The following TRPC7 variants were observed in gnomAD, a reference collection of about 807,000 sequenced individuals.
TRPC7 encodes transient receptor potential cation channel subfamily C member 7.
A neutral mutation model predicts 90.1 loss-of-function variants in TRPC7; 42 were observed. The ratio of observed to expected loss-of-function variants is 0.47; its 90% CI spans 0.36 to 0.60. The LOEUF (loss-of-function observed/expected upper bound fraction) is 0.60. Among genes scored for constraint, TRPC7 ranks in the 20% least tolerant of loss-of-function variants. The pLI, the probability that TRPC7 is intolerant of heterozygous loss-of-function variation, is 0.00. For missense variants in TRPC7, 955 were observed against 1,112.3 expected (o/e 0.86, Z 2.01); for synonymous variants, 451 against 436.3 (o/e 1.03, Z -0.42).
At chr5:136,356,434 T>C (rs892571799) in intron 2 of TRPC7, among the ~76,000 whole-genome samples, 174 bp downstream of exon 2, 5 of 152,202 alleles carry the variant, frequency 3.3e-5, no homozygotes, top group African/African-American at 1.2e-4. Context: ...GGGCTGCTTT[T>C]CCTCAGGCCT....
intron 1 of TRPC7, among the ~76,000 whole-genome samples, chr5:136,362,111 A>G (rs942380906): frequency 6.6e-6 from 1 of 152,198 alleles, no homozygotes; most frequent in African/African-American, 2.4e-5. Flanking sequence ...AAATGACTAT[A>G]CAATAGTTAT....
At chr5:136,306,691 A>G (rs1371108169) in intron 3 of TRPC7, among the ~76,000 whole-genome samples, 1 of 152,120 alleles carries the variant, frequency 6.6e-6, no homozygotes, top group Non-Finnish European at 1.5e-5. Context: ...ACATTCCACC[A>G]TTGTGATTTG....
chr5:136,346,279 G>C (rs1561727968), intron 2 of TRPC7, among the ~76,000 whole-genome samples: 1 of 152,014 alleles, frequency 6.6e-6, no homozygotes, highest in Non-Finnish European at 1.5e-5. Flanking sequence ...TTCTTAGATG[G>C]TGGAATTAAT....
intron 5 of TRPC7, among the ~76,000 whole-genome samples, chr5:136,258,438 G>A (rs543871992): frequency 6.6e-5 from 10 of 152,224 alleles, no homozygotes; most frequent in South Asian, 6.2e-4. Flanking sequence ...AATCACAGGA[G>A]TGTTTAGAGC....
chr5:136,222,176 C>G (rs1423874247), intron 10 of TRPC7: 1 of 152,030 alleles, frequency 6.6e-6, no homozygotes, highest in African/African-American at 2.4e-5. Context: ...ACACAGAAAG[C>G]CTCTGAAGTC....
intron 5 of TRPC7, among the ~76,000 whole-genome samples, chr5:136,263,503 A>G (rs1756924457): frequency 6.6e-6 from 1 of 152,220 alleles, no homozygotes; most frequent in African/African-American, 2.4e-5. Context: ...TCAACCCAGG[A>G]ATGACAGAAA....
At chr5:136,273,586 G>A (rs1287518544) in intron 4 of TRPC7, among the ~76,000 whole-genome samples, 2 of 152,114 alleles carry the variant, frequency 1.3e-5, no homozygotes, top group Non-Finnish European at 2.9e-5. Context: ...CAGCAGCCCC[G>A]AAGTCTCGCA....
At chr5:136,359,740 T>C (rs1309394517) in intron 1 of TRPC7, among the ~76,000 whole-genome samples, 3 of 151,852 alleles carry the variant, frequency 2.0e-5, no homozygotes. Context: ...TTTCAGGAGA[T>C]GTAATGAACT....
At chr5:136,318,300 T>A (rs1262045605) in intron 2 of TRPC7, among the ~76,000 whole-genome samples, 1 of 152,168 alleles carries the variant, frequency 6.6e-6, no homozygotes, top group East Asian at 1.9e-4. Context: ...TTTTAAATAT[T>A]CCTGAACACT....
intron 5 of TRPC7, among the ~76,000 whole-genome samples, chr5:136,253,181 C>T (rs565767173): frequency 6.6e-6 from 1 of 152,186 alleles, no homozygotes; most frequent in East Asian, 1.9e-4. Flanking sequence ...GTTAATTTCA[C>T]CTATTTGTCT....
At chr5:136,237,292 G>T (rs1252445935) in intron 7 of TRPC7, among the ~76,000 whole-genome samples, 1 of 152,152 alleles carries the variant, frequency 6.6e-6, no homozygotes, top group Non-Finnish European at 1.5e-5. Context: ...GCCAAGAACT[G>T]GGATATGTAA....
intron 3 of TRPC7, among the ~76,000 whole-genome samples, chr5:136,311,924 G>T (rs536066787): frequency 6.1e-4 from 93 of 152,248 alleles, no homozygotes; most frequent in Non-Finnish European, 1.1e-3. Flanking sequence ...TATACCCATC[G>T]GCTACTGAAG....
At chr5:136,357,429 C>T in intron 1 of TRPC7, 44 bp from the exon 2 acceptor site, 1 of 1,537,768 alleles carries the variant, frequency 6.5e-7, no homozygotes, top group Non-Finnish European at 8.7e-7. Flanking sequence ...CCTGCGGATT[C>T]CCTAGCAGTA....
chr5:136,326,176 C>G (rs1010818252), intron 2 of TRPC7, among the ~76,000 whole-genome samples: 10 of 152,238 alleles, frequency 6.6e-5, no homozygotes, highest in Non-Finnish European at 1.2e-4. Context: ...CGCTTTCTCA[C>G]TTTAATAAAT....
intron 10 of TRPC7, among the ~76,000 whole-genome samples, chr5:136,225,056 A>G (rs1174157572): frequency 1.3e-5 from 2 of 152,192 alleles, no homozygotes; most frequent in Non-Finnish European, 2.9e-5. Context: ...CATCATCACT[A>G]GACTGGAGGT....
At chr5:136,216,306 AG>A (rs1465180531) in intron 10 of TRPC7, 31 bp from the exon 11 acceptor site, 1 of 1,581,830 alleles carries the variant, frequency 6.3e-7, no homozygotes, top group South Asian at 1.1e-5. Flanking sequence ...GGGATCAGAC[AG>A]GGCTGGCCTA....
intron 3 of TRPC7, among the ~76,000 whole-genome samples, chr5:136,293,460 A>G (rs1368613679): frequency 6.6e-6 from 1 of 152,232 alleles, no homozygotes; most frequent in Non-Finnish European, 1.5e-5. Flanking sequence ...TACAAAATCA[A>G]TGTGCAAAAA....
At chr5:136,278,971 C>G (rs1327852507) in intron 3 of TRPC7, among the ~76,000 whole-genome samples, 2 of 152,112 alleles carry the variant, frequency 1.3e-5, no homozygotes, top group Non-Finnish European at 2.9e-5. Flanking sequence ...GTTATTTCTA[C>G]AGCTGGGGGT....
At chr5:136,353,297 T>C (rs1366827006) in intron 2 of TRPC7, among the ~76,000 whole-genome samples, 1 of 152,228 alleles carries the variant, frequency 6.6e-6, no homozygotes, top group East Asian at 1.9e-4. Flanking sequence ...AACAATAGTC[T>C]GGGAAAACTA....
Sources: allele counts gnomAD v4.1 joint callset (sites outside exome capture counted in the v4.1 genomes callset), GRCh38; gene constraint gnomAD v4.1.1; transcripts MANE v1.5; gene names NCBI Gene and HGNC (gene_info 2026-07-23, HGNC 2026-07-21).